PCSK2: variants seen among roughly 807,000 people sequenced by gnomAD.
The protein encoded by PCSK2 is neuroendocrine convertase 2.
PCSK2 carries 14 observed loss-of-function variants against 69.7 expected under a neutral mutation model. That is an observed-to-expected ratio of 0.20 (90% CI 0.13 to 0.31). The LOEUF (loss-of-function observed/expected upper bound fraction) is 0.31, where lower values mean the gene tolerates loss of function less well. PCSK2 is among the 10% of genes least tolerant of loss of function. The probability of loss-of-function intolerance (pLI) is 1.00; values close to 1 mark genes in which losing one functional copy is unlikely to be tolerated. For synonymous variants in PCSK2, 307 were observed against 320.7 expected (o/e 0.96, Z 0.46); for missense variants, 544 against 842.5 (o/e 0.65, Z 4.39).
intron 2 of PCSK2, among the ~76,000 whole-genome samples, chr20:17,297,765 T>G (rs1988945651): frequency 6.6e-6 from 1 of 152,258 alleles, no homozygotes; most frequent in South Asian, 2.1e-4. Flanking sequence ...GGATAAACAC[T>G]GCCACCTTTA....
chr20:17,453,384 T>C lies in PCSK2; in HGVS notation c.886-358T>C, dbSNP rs781364098. On this transcript the variant is annotated intron_variant, in intron 8 of 11. Transcript: ENST00000262545. The surrounding 1 kb of genome is among the most constrained non-coding windows in gnomAD (Gnocchi z 4.0). ...GATAATAATTACCTCTAGAGAGTTGTTTTTTATTTTCCTTTCCATACAGTT... is the reference window on the plus strand; with the variant it reads ...GATAATAATTACCTCTAGAGAGTTGCTTTTTATTTTCCTTTCCATACAGTT... 1.3e-5 allele frequency among the ~76,000 whole-genome samples: 2 copies of C among 152,224 alleles called. No individual in the cohort carries two copies. Among genetic ancestry groups the C allele is most frequent in the Non-Finnish European group, 2.9e-5 (2 of 68,030 alleles).
chr20:17,398,501 G>A (rs2031563582), intron 5 of PCSK2, among the ~76,000 whole-genome samples: 1 of 129,596 alleles, frequency 7.7e-6, no homozygotes, highest in Non-Finnish European at 1.6e-5. Flanking sequence ...TCTAGCCTGG[G>A]TTACAGAGTG....
At chr20:17,436,167 G>A (rs2281204) in intron 7 of PCSK2, among the ~76,000 whole-genome samples, 98,092 of 151,966 alleles carry the variant, frequency 0.65, 31,911 homozygotes, top group South Asian at 0.73. Context: ...TGTCCTCTCC[G>A]AAGTCCCTCT....
chr20:17,385,940 A>G (rs1010634225), intron 5 of PCSK2, among the ~76,000 whole-genome samples: 4 of 152,370 alleles, frequency 2.6e-5, no homozygotes, highest in South Asian at 2.1e-4. Context: ...ACAATTTCCT[A>G]TACTTCTAAG....
chr20:17,430,815 A>G (rs1271635152), intron 7 of PCSK2, among the ~76,000 whole-genome samples: 1 of 152,206 alleles, frequency 6.6e-6, no homozygotes, highest in Non-Finnish European at 1.5e-5. Flanking sequence ...GAAAAATTCA[A>G]ACCTGAATTT....
At chr20:17,249,236 G>A (rs565896125) in intron 1 of PCSK2, among the ~76,000 whole-genome samples, 1 of 152,266 alleles carries the variant, frequency 6.6e-6, no homozygotes, top group East Asian at 1.9e-4. Flanking sequence ...GTCGGGCGCG[G>A]TGGCTCACGC....
intron 2 of PCSK2, among the ~76,000 whole-genome samples, chr20:17,322,173 T>C (rs1167510371): frequency 6.6e-6 from 1 of 152,110 alleles, no homozygotes; most frequent in Non-Finnish European, 1.5e-5. Context: ...GAGAGAACAT[T>C]GTCTTAATGG....
At chr20:17,263,431 A>G (rs1987469914) in intron 2 of PCSK2, among the ~76,000 whole-genome samples, 1 of 152,262 alleles carries the variant, frequency 6.6e-6, no homozygotes, top group South Asian at 2.1e-4. Context: ...TTTAGATGCT[A>G]AAAAGCAAAA....
intron 1 of PCSK2, among the ~76,000 whole-genome samples, chr20:17,250,852 CA>C (rs1317263749): frequency 6.6e-6 from 1 of 152,134 alleles, no homozygotes; most frequent in African/African-American, 2.4e-5. Flanking sequence ...GTAATCCCAG[CA>C]CTTTAGGAGG....
At chr20:17,408,533 C>A (rs187891557) in intron 5 of PCSK2, among the ~76,000 whole-genome samples, 2 of 152,288 alleles carry the variant, frequency 1.3e-5, no homozygotes, top group Non-Finnish European at 2.9e-5. Context: ...TGCTGTAGGG[C>A]ATAAGAGTTC....
chr20:17,408,664 G>C (rs903340056), intron 5 of PCSK2, among the ~76,000 whole-genome samples: 1 of 152,192 alleles, frequency 6.6e-6, no homozygotes, highest in Non-Finnish European at 1.5e-5. Context: ...TTGTATTCCC[G>C]TACTTAGCAA....
intron 2 of PCSK2, among the ~76,000 whole-genome samples, chr20:17,309,929 AG>A (rs1443452549): frequency 1.3e-5 from 2 of 148,534 alleles, no homozygotes; most frequent in Non-Finnish European, 1.5e-5. Context: ...GGGAAGGGGA[AG>A]GGGGAGGAGG....
chr20:17,439,623 C>A (rs2032556251), intron 8 of PCSK2, among the ~76,000 whole-genome samples: 1 of 152,156 alleles, frequency 6.6e-6, no homozygotes, highest in South Asian at 2.1e-4. Flanking sequence ...AACTTTGGAT[C>A]CTTACTAAAT....
At chr20:17,262,467 G>GAA (rs11480190) in intron 2 of PCSK2, among the ~76,000 whole-genome samples, 54 of 149,292 alleles carry the variant, frequency 3.6e-4, no homozygotes, top group East Asian at 1.2e-3. Context: ...TTTTCAAAAC[G>GAA]AAAAAAAAAA....
intron 5 of PCSK2, among the ~76,000 whole-genome samples, chr20:17,406,381 A>T (rs2031750751): frequency 1.3e-5 from 2 of 152,262 alleles, no homozygotes; most frequent in African/African-American, 4.8e-5. Flanking sequence ...TGTTCAGTGT[A>T]GACTGTTACC....
chr20:17,382,056 T>C (rs758369140), intron 5 of PCSK2, among the ~76,000 whole-genome samples: 1 of 150,464 alleles, frequency 6.6e-6, no homozygotes, highest in Non-Finnish European at 1.5e-5. Context: ...GCAGCTTTAT[T>C]GGGGAGTTTT....
rs759159360 is a variant in PCSK2 at position 17,481,966 on chromosome 20, C to T, written c.1813C>T (p.Arg605Trp). ...QSAPYIDQVV[R>W]DYQSKLAMSK... ...TGCCCCGTACATCGACCAGGTGGTG[C>T]GGGATTACCAGTCCAAGTTGGCCAT... is the stretch of plus-strand genomic sequence containing the variant. Residue 605 changes from arginine (R) to tryptophan (W), a missense_variant, in exon 12 of 12, where the codon CGG (arginine) becomes TGG (tryptophan). Physicochemically the swap from Arg to Trp is moderately radical, Grantham distance 101. Around this residue, in one of 3 missense-constraint regions of PCSK2, gnomAD observed 200 missense variants for 287.8 expected, o/e 0.69. Coordinates refer to ENST00000262545, the MANE Select transcript of PCSK2 (RefSeq NM_002594.5). 8 of 1,612,700 alleles carry T rather than the reference C, an allele frequency of 5.0e-6. No homozygotes were observed. The highest frequency in any genetic ancestry group is 1.3e-5 in the African/African-American group (1 of 74,872).
intron 1 of PCSK2, among the ~76,000 whole-genome samples, chr20:17,247,667 G>A (rs1986817612): frequency 6.6e-6 from 1 of 152,230 alleles, no homozygotes; most frequent in South Asian, 2.1e-4. Context: ...AGACTCTCCT[G>A]AGAACAAGCG....
intron 7 of PCSK2, among the ~76,000 whole-genome samples, chr20:17,431,239 C>A (rs1290453072): frequency 6.6e-6 from 1 of 152,148 alleles, no homozygotes; most frequent in Non-Finnish European, 1.5e-5. Flanking sequence ...GTGGAGAACA[C>A]CCCTCAGAAT....
Sources: gnomAD v4.1 joint callset for allele counts (sites outside exome capture counted in the v4.1 genomes callset) on GRCh38, gnomAD v4.1.1 for gene constraint, gnomAD v4.1.1 regional missense constraint, Gnocchi (gnomAD v3.1) non-coding constraint, MANE v1.5 for transcripts, NCBI Gene and HGNC (gene_info 2026-07-23, HGNC 2026-07-21) for gene names.